NPAS2: variants seen among roughly 807,000 people sequenced by gnomAD.
NPAS2 encodes neuronal PAS domain protein 2.
A neutral mutation model predicts 107.5 loss-of-function variants in NPAS2; 23 were observed. The observed-to-expected ratio is 0.21, with a 90% CI of 0.15 to 0.30. The LOEUF is 0.30. NPAS2 is among the 10% of genes least tolerant of loss of function. The pLI, the probability that NPAS2 is intolerant of heterozygous loss-of-function variation, is 1.00. For missense variants in NPAS2, 756 were observed against 1,043.3 expected, an observed-to-expected ratio of 0.72 and a Z score of 3.79; for synonymous variants, 403 against 417.5, an observed-to-expected ratio of 0.97 and a Z score of 0.42.
Position 100,863,154 on chromosome 2 carries a change from C to G in NPAS2, c.-22-41579C>G, listed in dbSNP as rs532755432. Among the ~76,000 whole-genome samples, 24 of 152,294 alleles carry G rather than the reference C, an allele frequency of 1.6e-4. No homozygotes were observed. In the South Asian group the frequency reaches 5.0e-3, roughly 32 times the overall value. On this transcript the variant is annotated intron_variant, in intron 1 of 20. Transcript: ENST00000335681. The stretch of plus-strand genomic sequence containing the variant: ...ACCTTCTCACTGTCTAAAATAAGAG[C>G]TAGAGCAGAAGGGGCTAGTCTACCG...
At chr2:100,972,469 C>A (rs763427991) in intron 12 of NPAS2, among the ~76,000 whole-genome samples, 21 of 152,200 alleles carry the variant, frequency 1.4e-4, no homozygotes, top group Admixed American at 3.3e-4. Flanking sequence ...CAGCAATGGT[C>A]CAGTCTTTCA....
intron 1 of NPAS2, chr2:100,901,441 T>C: frequency 1.2e-6 from 1 of 801,216 alleles, no homozygotes; most frequent in Non-Finnish European, 1.5e-6. Context: ...TTAAAAAGAC[T>C]CCGGAGAGTT....
At chr2:100,962,320 A>T (rs531152030) in intron 7 of NPAS2, among the ~76,000 whole-genome samples, 63 of 143,152 alleles carry the variant, frequency 4.4e-4, no homozygotes, top group Admixed American at 1.7e-3. Context: ...ATATATATTT[A>T]AAAAAATGAT....
At position 100,964,962 on chromosome 2, in the gene NPAS2, A is replaced by T; in HGVS notation, c.800+19A>T. The T allele has an allele frequency of 6.6e-7, 1 of 1,526,690 alleles. No individual in the cohort carries two copies. Among genetic ancestry groups the T allele is most frequent in the Non-Finnish European group, 8.8e-7 (1 of 1,135,274 alleles). 94.6% of individuals were successfully genotyped at this position (1,526,690 alleles called of 1,614,324 possible). On this transcript the variant is annotated intron_variant, in intron 9 of 20. Coordinates refer to ENST00000335681, the MANE Select transcript of NPAS2 (RefSeq NM_002518.4). The stretch of plus-strand genomic sequence containing the variant: ...ATCACAGGTTTGAGAAAAGAAAAAC[A>T]TATTTGGGTTGGGCCCTTCTCAAGT...
chr2:100,987,444 G>T (rs1026038328), intron 16 of NPAS2: 1 of 152,302 alleles, frequency 6.6e-6, no homozygotes, highest in African/African-American at 2.4e-5. Context: ...AAAGTGCATG[G>T]ACTTAATGTT....
chr2:100,848,864 G>A (rs1048343084), intron 1 of NPAS2, among the ~76,000 whole-genome samples: 6 of 152,222 alleles, frequency 3.9e-5, no homozygotes, highest in African/African-American at 1.4e-4. Flanking sequence ...GGAAAATCTT[G>A]TGGTTGTTTG....
At chr2:100,835,197 G>A (rs1195326841) in intron 1 of NPAS2, among the ~76,000 whole-genome samples, 1 of 152,156 alleles carries the variant, frequency 6.6e-6, no homozygotes, top group Non-Finnish European at 1.5e-5. Flanking sequence ...ACAGGCCACC[G>A]GGGCGCAGAT....
At chr2:100,883,174 A>T (rs1332836866) in intron 1 of NPAS2, among the ~76,000 whole-genome samples, 1 of 152,168 alleles carries the variant, frequency 6.6e-6, no homozygotes, top group Non-Finnish European at 1.5e-5. Flanking sequence ...TACTTCTTTC[A>T]TGTTAAATTC....
intron 13 of NPAS2, among the ~76,000 whole-genome samples, 168 bp downstream of exon 13, chr2:100,975,112 T>G (rs1676890095): frequency 6.6e-6 from 1 of 151,942 alleles, no homozygotes; most frequent in Non-Finnish European, 1.5e-5. Flanking sequence ...CGCCTCCTGA[T>G]CACCTCTCCA....
Position 100,988,117 on chromosome 2 carries a change from C to T in NPAS2, c.1668C>T (p.Ser556=), listed in dbSNP as rs1677881696. ...AGCCAGCTGTATCCCTGAGCTTCAG[C>T]AGCACCCAGCGACCTGAGGCTCAGC... The part of the protein sequence containing the change: ...LQQPAVSLSF[S]STQRPEAQQQ... The change falls in exon 17 of 21, where the codon AGC becomes AGT. Residue 556 remains serine (S), a synonymous_variant. Transcript: ENST00000335681. The T allele has an allele frequency of 6.2e-7, 1 of 1,614,222 alleles. No individual in the cohort carries two copies. The highest frequency in any genetic ancestry group is 8.5e-7 in the Non-Finnish European group (1 of 1,180,036).
chr2:100,986,184 T>A (rs1191164027), intron 16 of NPAS2: 1 of 152,170 alleles, frequency 6.6e-6, no homozygotes, highest in East Asian at 1.9e-4. Flanking sequence ...CAGGCTTCTC[T>A]GTGGTGGGTG....
rs192367409 is a variant in NPAS2, at chr2:100,910,486, G to C, written c.32+5700G>C. Among the ~76,000 whole-genome samples, 259 of 151,696 alleles carry C rather than the reference G, an allele frequency of 1.7e-3. 1 individual carries two copies. Among genetic ancestry groups the C allele is most frequent in the African/African-American group, 5.9e-3 (246 of 41,390 alleles). On this transcript the variant is annotated intron_variant, in intron 2 of 20. Transcript: ENST00000335681. ...AGGATGGTATCAGCCCTTCCTGCTG[G>C]GGCAACTTTTCTCCCCACACAGCCA...
intron 1 of NPAS2, among the ~76,000 whole-genome samples, chr2:100,859,754 A>G (rs1678818672): frequency 6.6e-6 from 1 of 152,144 alleles, no homozygotes; most frequent in Non-Finnish European, 1.5e-5. Flanking sequence ...GGAAAGCGGT[A>G]AGGGTGGGTG....
At chr2:100,995,325 C>T in intron 20 of NPAS2, 75 bp from the exon 21 acceptor site, 1 of 1,370,662 alleles carries the variant, frequency 7.3e-7, no homozygotes, top group African/African-American at 1.4e-5. Context: ...GCAGCATGCC[C>T]CGCACTGCCT....
chr2:100,902,200 C>T (rs1282200533), intron 1 of NPAS2, among the ~76,000 whole-genome samples: 1 of 152,192 alleles, frequency 6.6e-6, no homozygotes, highest in Non-Finnish European at 1.5e-5. Flanking sequence ...TTCTTCCCTT[C>T]CATCCTGTTC....
intron 17 of NPAS2, 115 bp downstream of exon 17, chr2:100,988,391 C>T (rs140947781): frequency 4.9e-5 from 41 of 839,330 alleles, no homozygotes; most frequent in Non-Finnish European, 6.7e-5. Flanking sequence ...TGCCCTGTTC[C>T]GTTATGGACT....
chr2:100,923,365 A>G (rs182659129), intron 2 of NPAS2, among the ~76,000 whole-genome samples: 39 of 152,330 alleles, frequency 2.6e-4, no homozygotes, highest in Admixed American at 3.9e-4. Flanking sequence ...TAGGACCGGT[A>G]AAAGATGGGT....
chr2:100,995,341 G>C, intron 20 of NPAS2, 59 bp from the exon 21 acceptor site: 1 of 1,491,462 alleles, frequency 6.7e-7, no homozygotes, highest in Non-Finnish European at 9.2e-7. Flanking sequence ...TGCCTTGTAA[G>C]ACAGTTGAGG....
chr2:100,844,648 G>A (rs769634303), intron 1 of NPAS2, among the ~76,000 whole-genome samples: 1 of 151,952 alleles, frequency 6.6e-6, no homozygotes, highest in Non-Finnish European at 1.5e-5. Flanking sequence ...ATGAATATAG[G>A]GGAACGTTTG....
Sources: allele counts gnomAD v4.1 joint callset (sites outside exome capture counted in the v4.1 genomes callset), GRCh38; gene constraint gnomAD v4.1.1; transcripts MANE v1.5; gene names NCBI Gene and HGNC (gene_info 2026-07-23, HGNC 2026-07-21).